The following NRBF2 variants were observed in gnomAD, a reference collection of about 807,000 sequenced individuals.
The protein encoded by NRBF2 is nuclear receptor binding factor 2, also known as nuclear receptor-binding factor 2.
A neutral mutation model predicts 28.5 loss-of-function variants in NRBF2; 12 were observed. The observed-to-expected ratio is 0.42, with a 90% CI of 0.27 to 0.68. The LOEUF is 0.68. Among genes scored for constraint, NRBF2 ranks in the 30% least tolerant of loss-of-function variants. The pLI is 0.24. For synonymous variants in NRBF2, 102 were observed against 116.5 expected, an observed-to-expected ratio of 0.88 and a Z score of 0.80; for missense variants, 274 against 333.5, an observed-to-expected ratio of 0.82 and a Z score of 1.39.
rs763995167 is a variant in NRBF2 at position 63,153,878 on chromosome 10, T to C, written c.524T>C (p.Ile175Thr). 1.2e-5 allele frequency: 19 copies of C among 1,611,914 alleles called. No individual in the cohort carries two copies. Among genetic ancestry groups the C allele is most frequent in the Admixed American group, 1.7e-5 (1 of 59,990 alleles). Residue 175 changes from isoleucine to threonine, a missense_variant, in exon 4 of 4, where the codon ATT becomes ACT. Transcript: ENST00000277746. ...KTIIEEQATK[I>T]ADLKRHVEFL... ...ATTATAGAGGAGCAGGCAACCAAAA[T>C]TGCAGATTTGAAGAGGCATGTGGAA...
At chr10:63,147,238 T>C (rs1841575546) in intron 2 of NRBF2, among the ~76,000 whole-genome samples, 1 of 152,166 alleles carries the variant, frequency 6.6e-6, no homozygotes, top group African/African-American at 2.4e-5. Context: ...AAATACAGAC[T>C]GCAAGGTGGG....
At chr10:63,139,995 G>T (rs1283836492) in intron 1 of NRBF2, among the ~76,000 whole-genome samples, 1 of 151,924 alleles carries the variant, frequency 6.6e-6, no homozygotes, top group Non-Finnish European at 1.5e-5. Flanking sequence ...AAAAATAGCT[G>T]AGCATGGTGG....
intron 1 of NRBF2, among the ~76,000 whole-genome samples, chr10:63,138,815 ATTAC>A (rs1416732404): frequency 2.0e-5 from 3 of 151,954 alleles, no homozygotes; most frequent in Admixed American, 6.6e-5. Flanking sequence ...ATTGCGTTAT[ATTAC>A]TTAGTCAATT....
At chr10:63,143,890 C>A (rs950328674) in intron 1 of NRBF2, among the ~76,000 whole-genome samples, 1 of 151,572 alleles carries the variant, frequency 6.6e-6, no homozygotes, top group African/African-American at 2.4e-5. Context: ...GTAGCTGGGA[C>A]TACTACTACA....
rs766907289 is a variant in NRBF2, at chr10:63,154,210, A to G, written c.856A>G (p.Asn286Asp). The G allele has an allele frequency of 4.2e-5, 65 of 1,556,222 alleles. No homozygotes were observed. The highest frequency in any genetic ancestry group is 5.5e-5 in the Non-Finnish European group (63 of 1,138,096). The change falls in exon 4 of 4, where the codon AAT (asparagine) becomes GAT (aspartate). Residue 286 changes from asparagine to aspartate, a missense_variant. Transcript: ENST00000277746. Reference sequence around the variant, plus strand: ...TGAGGATATTCTGAAAGGATTTATGAATAATTAAAATGGAAGGCCACAGAA... The same window carrying G: ...TGAGGATATTCTGAAAGGATTTATGGATAATTAAAATGGAAGGCCACAGAA... ...LSEDILKGFMNN is the reference protein window; with the variant it reads ...LSEDILKGFMDN
At chr10:63,144,163 A>C (rs1274002408) in intron 1 of NRBF2, among the ~76,000 whole-genome samples, 1 of 152,180 alleles carries the variant, frequency 6.6e-6, no homozygotes, top group Non-Finnish European at 1.5e-5. Flanking sequence ...ATGGTTGTGC[A>C]ACAAATGTCC....
intron 2 of NRBF2, chr10:63,150,420 A>T (rs546292324): frequency 2.3e-4 from 199 of 851,924 alleles, no homozygotes; most frequent in South Asian, 1.5e-3. Flanking sequence ...TTTTTTTTTT[A>T]AATTCTTTTT....
intron 1 of NRBF2, among the ~76,000 whole-genome samples, chr10:63,137,304 C>T (rs1347187307): frequency 6.6e-6 from 1 of 152,212 alleles, no homozygotes; most frequent in Admixed American, 6.5e-5. Flanking sequence ...AAAATTATAA[C>T]TTATAAAATT....
Position 63,154,895 on chromosome 10 carries a change from G to A in NRBF2, c.*677G>A, listed in dbSNP as rs1412709031. ...AGGGTGCATTTTAAGTTCTAACTTC[G>A]TTTATTGTATAATGCATCATTTGAA... On this transcript the variant is annotated 3_prime_UTR_variant, in exon 4 of 4. Coordinates refer to ENST00000277746, the MANE Select transcript of NRBF2 (RefSeq NM_030759.5). 1.3e-5 allele frequency: 2 copies of A among 152,554 alleles called. No individual in the cohort carries two copies. The highest frequency in any genetic ancestry group is 1.9e-4 in the East Asian group (1 of 5,202). The allele number at this position is 152,554 out of a possible 1,614,324, so 9.5% of individuals were successfully genotyped here.
intron 1 of NRBF2, among the ~76,000 whole-genome samples, chr10:63,140,962 G>A (rs201826308): frequency 6.6e-6 from 1 of 152,148 alleles, no homozygotes; most frequent in East Asian, 1.9e-4. Context: ...GCCTCCCAAA[G>A]TGCTGGGATT....
intron 2 of NRBF2, chr10:63,150,266 A>C: frequency 1.9e-6 from 1 of 522,998 alleles, no homozygotes; most frequent in Non-Finnish European, 2.5e-6. Context: ...TCACAGATTT[A>C]AACATGAACA....
intron 1 of NRBF2, among the ~76,000 whole-genome samples, chr10:63,144,695 C>T (rs997651190): frequency 2.6e-5 from 4 of 152,128 alleles, no homozygotes; most frequent in African/African-American, 9.7e-5. Context: ...GGATTACAGG[C>T]GTGAGCCACC....
rs558701761 is a variant in NRBF2, at chr10:63,154,211, A to G, written c.857A>G (p.Asn286Ser). 1 of 1,556,884 alleles carries G rather than the reference A, an allele frequency of 6.4e-7. No homozygotes were observed. Among genetic ancestry groups the G allele is most frequent in the Non-Finnish European group, 8.8e-7 (1 of 1,138,646 alleles). ...GAGGATATTCTGAAAGGATTTATGA[A>G]TAATTAAAATGGAAGGCCACAGAAA... ...LSEDILKGFM[N>S]N Residue 286 changes from asparagine to serine, a missense_variant, in exon 4 of 4, where the codon AAT (asparagine) becomes AGT (serine). Coordinates refer to ENST00000277746, the MANE Select transcript of NRBF2 (RefSeq NM_030759.5).
intron 1 of NRBF2, among the ~76,000 whole-genome samples, chr10:63,144,311 A>G (rs7073746): frequency 0.43 from 64,996 of 151,858 alleles, 14,526 homozygotes; most frequent in South Asian, 0.53. Context: ...TAGATACCCA[A>G]TAAGTCGATT....
intron 2 of NRBF2, among the ~76,000 whole-genome samples, chr10:63,147,005 G>A (rs1168353512): frequency 6.6e-6 from 1 of 152,146 alleles, no homozygotes; most frequent in Non-Finnish European, 1.5e-5. Context: ...GTCCTCGTTA[G>A]TGTAGTGGTA....
chr10:63,148,520 A>C (rs1841598383), intron 2 of NRBF2, among the ~76,000 whole-genome samples: 1 of 152,222 alleles, frequency 6.6e-6, no homozygotes, highest in Non-Finnish European at 1.5e-5. Flanking sequence ...TCAACATCTG[A>C]GAAAGACTAA....
At chr10:63,141,044 T>C (rs1268002999) in intron 1 of NRBF2, among the ~76,000 whole-genome samples, 2 of 152,184 alleles carry the variant, frequency 1.3e-5, no homozygotes, top group East Asian at 3.8e-4. Flanking sequence ...AGAACAGTAT[T>C]TAAAGAGAGA....
chr10:63,134,685 G>A (rs74861089), intron 1 of NRBF2, among the ~76,000 whole-genome samples: 1 of 152,172 alleles, frequency 6.6e-6, no homozygotes, highest in African/African-American at 2.4e-5. Context: ...AAGAGTTAGC[G>A]ATTATAACCA....
rs77619669 is a variant in NRBF2, at chr10:63,142,508, A to G, written c.31-3701A>G. ...TTTTAACCAGGTGATTTGTATTTTC[A>G]TTAAAACCTAGAGCCTTATTGCTTA... is the stretch of plus-strand genomic sequence containing the variant. On this transcript the variant is annotated intron_variant, in intron 1 of 3. Coordinates refer to ENST00000277746, the MANE Select transcript of NRBF2 (RefSeq NM_030759.5). Among the ~76,000 whole-genome samples the G allele has an allele frequency of 6.8e-4, 103 of 151,944 alleles. 1 individual carries two copies. In the East Asian group the frequency reaches 0.018, roughly 26 times the overall value.
Sources: allele counts gnomAD v4.1 joint callset (sites outside exome capture counted in the v4.1 genomes callset), GRCh38; gene constraint gnomAD v4.1.1; transcripts MANE v1.5; gene names NCBI Gene and HGNC (gene_info 2026-07-23, HGNC 2026-07-21).